The following VWA7 variants were observed in gnomAD, a reference collection of about 807,000 sequenced individuals.
VWA7 encodes the protein von Willebrand factor A domain containing 7, also known as von Willebrand factor A domain-containing protein 7.
VWA7 carries 66 observed loss-of-function variants against 83.1 expected under a neutral mutation model. That is an observed-to-expected ratio of 0.79 (90% CI 0.65 to 0.98). The LOEUF (loss-of-function observed/expected upper bound fraction) is 0.98. VWA7 is among the 50% of genes least tolerant of loss of function. The pLI is 0.00. For missense variants in VWA7, 1,080 were observed against 1,160.2 expected (o/e 0.93, Z 1.00); for synonymous variants, 424 against 488.5 (o/e 0.87, Z 1.74).
intron 7 of VWA7, among the ~76,000 whole-genome samples, chr6:31,770,724 G>A (rs561085971): frequency 5.0e-5 from 7 of 139,122 alleles, no homozygotes; most frequent in African/African-American, 1.5e-4. Context: ...CTACATGTGC[G>A]TATATAAAAA....
Position 31,773,559 on chromosome 6 carries a change from A to G in VWA7, c.722-122T>C. ...CTCAGCAAGGGTTCAGCAAGAAATG[A>G]TGACGGGGTTGGCGCGGTGGCTCAC... On this transcript the variant is annotated intron_variant, in intron 5 of 16. Coordinates refer to ENST00000375688, the MANE Select transcript of VWA7 (RefSeq NM_025258.3). This position sits in a 1 kb window ranked among gnomAD's most constrained non-coding sequence, Gnocchi z 5.3. 3 of 1,061,714 alleles carry G rather than the reference A, an allele frequency of 2.8e-6. No homozygotes were observed. Among genetic ancestry groups the G allele is most frequent in the Non-Finnish European group, 3.9e-6 (3 of 760,250 alleles). 65.8% of individuals were successfully genotyped at this position (1,061,714 alleles called of 1,614,324 possible).
intron 10 of VWA7, among the ~76,000 whole-genome samples, chr6:31,768,565 G>A (rs1039264671): frequency 6.6e-6 from 1 of 152,208 alleles, no homozygotes. Flanking sequence ...CAGGCCAGGC[G>A]TGGTGGCTCG....
Position 31,773,142 on chromosome 6 carries a change from A to G in VWA7, c.918-19T>C, listed in dbSNP as rs113698227. ...CAGCAGCCTGGGGAGCAAGCCAGAG[A>G]CACAGTGAAGGGCCTGCACGTTTGT... On this transcript the variant is annotated intron_variant, in intron 6 of 16. Transcript: ENST00000375688. This position sits in a 1 kb window ranked among gnomAD's most constrained non-coding sequence, Gnocchi z 5.3. The G allele has an allele frequency of 6.2e-7, 1 of 1,607,920 alleles. No individual in the cohort carries two copies. Among genetic ancestry groups the G allele is most frequent in the Non-Finnish European group, 8.5e-7 (1 of 1,177,712 alleles).
rs1401120997 is a variant in VWA7 at position 31,765,647 on chromosome 6, A to C, written c.2623T>G (p.Trp875Gly). Reference sequence around the variant, plus strand: ...AGCACCCCTCCAACTGTGCCCCACCAGGGGCTGCCCGCAGCCAGCCCTGCC... The same window carrying C: ...AGCACCCCTCCAACTGTGCCCCACCCGGGGCTGCCCGCAGCCAGCCCTGCC... ...AGAGLAAGSP[W>G]WGTVGGVLLL... Residue 875 changes from tryptophan to glycine, a missense_variant, in exon 17 of 17, where the codon TGG becomes GGG. By Grantham distance (184) the Trp-to-Gly change is radical (BLOSUM62 -2). Coordinates refer to ENST00000375688, the MANE Select transcript of VWA7 (RefSeq NM_025258.3). 1 of 1,609,462 alleles carries C rather than the reference A, an allele frequency of 6.2e-7. No homozygotes were observed. Among genetic ancestry groups the C allele is most frequent in the African/African-American group, 1.3e-5 (1 of 74,826 alleles).
Position 31,773,448 on chromosome 6 carries a change from G to A in VWA7, c.722-11C>T. 2.5e-6 allele frequency: 4 copies of A among 1,573,054 alleles called. No individual in the cohort carries two copies. Among genetic ancestry groups the A allele is most frequent in the Non-Finnish European group, 2.6e-6 (3 of 1,159,992 alleles). ...CGTGGCTACATTTCCCTGGGTTGGG[G>A]AAAGGGATCTGGAGAGTGGAGGTCA... On this transcript the variant is annotated splice_polypyrimidine_tract_variant and intron_variant, in intron 5 of 16. Coordinates refer to ENST00000375688, the MANE Select transcript of VWA7 (RefSeq NM_025258.3). This position sits in a 1 kb window ranked among gnomAD's most constrained non-coding sequence, Gnocchi z 5.3.
rs978083143 is a variant in VWA7 at position 31,775,931 on chromosome 6, C to T, written c.513+33G>A. On this transcript the variant is annotated intron_variant, in intron 3 of 16. Coordinates refer to ENST00000375688, the MANE Select transcript of VWA7 (RefSeq NM_025258.3). This position sits in a 1 kb window ranked among gnomAD's most constrained non-coding sequence, Gnocchi z 5.9. ...TCCCGGACAGGCACGGAAGTGAAGACCCCTCTGACCATCAACCCAACCCTG... is the reference window on the plus strand; with the variant it reads ...TCCCGGACAGGCACGGAAGTGAAGATCCCTCTGACCATCAACCCAACCCTG... 1.3e-6 allele frequency: 2 copies of T among 1,579,040 alleles called. No homozygotes were observed. The highest frequency in any genetic ancestry group is 2.3e-5 in the South Asian group (2 of 86,864).
Position 31,769,286 on chromosome 6 carries a change from C to T in VWA7, c.1318-83G>A. On this transcript the variant is annotated intron_variant, in intron 9 of 16. Coordinates refer to ENST00000375688, the MANE Select transcript of VWA7 (RefSeq NM_025258.3). This position sits in a 1 kb window ranked among gnomAD's most constrained non-coding sequence, Gnocchi z 4.5. ...ATGAGAATCCCTGTGCTCAAGCTTT[C>T]TCCAGAGCTGATGGTTTGTGATAAG... 2 of 1,491,302 alleles carry T rather than the reference C, an allele frequency of 1.3e-6. No individual in the cohort carries two copies. Among genetic ancestry groups the T allele is most frequent in the Non-Finnish European group, 1.8e-6 (2 of 1,105,180 alleles). The allele number at this position is 1,491,302 out of a possible 1,614,324, so 92.4% of individuals were successfully genotyped here.
rs746801491 is a variant in VWA7 at position 31,776,274 on chromosome 6, G to A, written c.235-32C>T. The A allele has an allele frequency of 6.3e-7, 1 of 1,597,062 alleles. No homozygotes were observed. The highest frequency in any genetic ancestry group is 8.5e-7 in the Non-Finnish European group (1 of 1,170,554). On this transcript the variant is annotated intron_variant, in intron 2 of 16. Coordinates refer to ENST00000375688, the MANE Select transcript of VWA7 (RefSeq NM_025258.3). The surrounding 1 kb of genome is among the most constrained non-coding windows in gnomAD (Gnocchi z 6.2). ...AGAATAGCGGGCGACGGGGCTCCAGGGAGGCCCTTTGGATTGACTGTTGCC... is the reference window on the plus strand; with the variant it reads ...AGAATAGCGGGCGACGGGGCTCCAGAGAGGCCCTTTGGATTGACTGTTGCC...
Position 31,769,866 on chromosome 6 carries a change from A to T in VWA7, c.1201-75T>A, listed in dbSNP as rs1430741282. On this transcript the variant is annotated intron_variant, in intron 8 of 16. Transcript: ENST00000375688. The surrounding 1 kb of genome is among the most constrained non-coding windows in gnomAD (Gnocchi z 4.5). ...TGGGTAGAGCCACGGAGGATGAAGC[A>T]GAAGGGAATATGGCCCGGGAACCCT... 1 of 1,513,388 alleles carries T rather than the reference A, an allele frequency of 6.6e-7. No homozygotes were observed. The highest frequency in any genetic ancestry group is 9.2e-7 in the Non-Finnish European group (1 of 1,090,894). The allele number at this position is 1,513,388 out of a possible 1,614,324, so 93.7% of individuals were successfully genotyped here. A position where few individuals can be genotyped will look rare whatever the true frequency, so the allele number is the denominator to read the frequency against.
rs550210414 is a variant in VWA7, at chr6:31,776,579, T to C, written c.201A>G (p.Pro67=). 27 of 1,547,428 alleles carry C rather than the reference T, an allele frequency of 1.7e-5. No homozygotes were observed. The highest frequency in any genetic ancestry group is 2.3e-5 in the Non-Finnish European group (26 of 1,145,674). Residue 67 remains proline (P), a synonymous_variant, in exon 2 of 17, where the codon CCA becomes CCG. Transcript: ENST00000375688. The surrounding 1 kb of genome is among the most constrained non-coding windows in gnomAD (Gnocchi z 6.2). ...TLQLFLEQPP[P]GRPPLRLEDF... ...CCTCAAGACGAAGAGGGGGGCGGCCTGGGGGTGGCTGCTCCAGGAAGAGCT... is the reference window on the plus strand; with the variant it reads ...CCTCAAGACGAAGAGGGGGGCGGCCCGGGGGTGGCTGCTCCAGGAAGAGCT...
rs1812655466 is a variant in VWA7, at chr6:31,776,059, GGC to G, written c.416_417del (p.Arg139ProfsTer16). 3 of 1,613,796 alleles carry G rather than the reference GGC, an allele frequency of 1.9e-6. No homozygotes were observed. The highest frequency in any genetic ancestry group is 1.7e-5 in the Admixed American group (1 of 60,028). On this transcript the variant is annotated frameshift_variant, in exon 3 of 17. Coordinates refer to ENST00000375688, the MANE Select transcript of VWA7 (RefSeq NM_025258.3). LOFTEE classifies it high-confidence loss of function. The surrounding 1 kb of genome is among the most constrained non-coding windows in gnomAD (Gnocchi z 6.2). ...ACGGTCTCCCGCAGAGCCCCTACCA[GGC>G]GCGCGCGTCCCTGACCCAGTCGCTC... ...DAERLGQGRA[R>X]LVGALRETVV... is the part of the protein sequence containing the mutation.
chr6:31,775,984 C>T lies in VWA7; in HGVS notation c.493G>A (p.Ala165Thr). The T allele has an allele frequency of 6.2e-7, 1 of 1,611,352 alleles. No homozygotes were observed. The highest frequency in any genetic ancestry group is 8.5e-7 in the Non-Finnish European group (1 of 1,179,288). The part of the protein sequence containing the change: ...DHTLARQRLG[A>T]ALHALQDFYS... The stretch of plus-strand genomic sequence containing the variant: ...CTCACCTGCAGGGCATGAAGTGCAG[C>T]CCCGAGGCGCTGGCGAGCCAGGGTG... Residue 165 changes from alanine to threonine, a missense_variant, in exon 3 of 17, where the codon GCT (alanine) becomes ACT (threonine). Physicochemically the swap from Ala to Thr is moderately conservative, Grantham distance 58. Coordinates refer to ENST00000375688, the MANE Select transcript of VWA7 (RefSeq NM_025258.3). The surrounding 1 kb of genome is among the most constrained non-coding windows in gnomAD (Gnocchi z 5.9).
At chr6:31,772,154 T>A (rs1448145457) in intron 7 of VWA7, among the ~76,000 whole-genome samples, 1 of 151,704 alleles carries the variant, frequency 6.6e-6, no homozygotes, top group Non-Finnish European at 1.5e-5. Flanking sequence ...TTTTTTTTTT[T>A]TTTAGAGACA....
intron 10 of VWA7, 131 bp downstream of exon 10, chr6:31,768,886 GA>G (rs1387853145): frequency 1.9e-6 from 2 of 1,028,574 alleles, no homozygotes; most frequent in African/African-American, 3.3e-5. Context: ...AAGAGGAAGA[GA>G]AACTTCCTTT....
rs752013807 is a variant in VWA7, at chr6:31,765,951, G to A, written c.2431C>T (p.Arg811Ter). Reference protein sequence around the residue: ...VVMVTVTAGGREANPVPPTHA... With the variant: ...VVMVTVTAGG ...GTCGGGGGTACTGGGTTGGCTTCTC[G>A]TCCCCCTGCAGTCACAGTCACCATC... The change falls in exon 16 of 17, where the codon CGA (arginine) becomes TGA (stop). Residue 811 changes from arginine (R) to a stop codon, truncating the protein, a stop_gained. Coordinates refer to ENST00000375688, the MANE Select transcript of VWA7 (RefSeq NM_025258.3). LOFTEE classifies it high-confidence loss of function. The A allele has an allele frequency of 1.2e-5, 20 of 1,612,934 alleles. No individual in the cohort carries two copies. Among genetic ancestry groups the A allele is most frequent in the African/African-American group, 5.3e-5 (4 of 74,932 alleles).
Position 31,766,719 on chromosome 6 carries a change from C to T in VWA7, c.1928G>A (p.Arg643Lys). 6.2e-7 allele frequency: 1 copy of T among 1,611,682 alleles called. No individual in the cohort carries two copies. The highest frequency in any genetic ancestry group is 1.1e-5 in the South Asian group (1 of 90,986). The change falls in exon 14 of 17, where the codon AGA becomes AAA. Residue 643 changes from arginine to lysine, a missense_variant. Coordinates refer to ENST00000375688, the MANE Select transcript of VWA7 (RefSeq NM_025258.3). The surrounding 1 kb of genome is among the most constrained non-coding windows in gnomAD (Gnocchi z 4.9). ...LLVEVTGLGS[R>K]ANPGDPQPHF... Reference sequence around the variant, plus strand: ...CGGCTGAGGATCCCCAGGATTGGCTCTGGAACCCAACCCTGTCACTTCTAC... The same window carrying T: ...CGGCTGAGGATCCCCAGGATTGGCTTTGGAACCCAACCCTGTCACTTCTAC...
chr6:31,775,184 A>G lies in VWA7; in HGVS notation c.610+149T>C. On this transcript the variant is annotated intron_variant, in intron 4 of 16. Coordinates refer to ENST00000375688, the MANE Select transcript of VWA7 (RefSeq NM_025258.3). The surrounding 1 kb of genome is among the most constrained non-coding windows in gnomAD (Gnocchi z 5.9). ...TGACCTTGGGGAAGCTGCTTAACTGAGCCAGGCGTTGCTTGGACTGGGGGA... is the reference window on the plus strand; with the variant it reads ...TGACCTTGGGGAAGCTGCTTAACTGGGCCAGGCGTTGCTTGGACTGGGGGA... 1.6e-6 allele frequency: 1 copy of G among 635,452 alleles called. No individual in the cohort carries two copies. 39.4% of individuals were successfully genotyped at this position (635,452 alleles called of 1,614,324 possible).
intron 16 of VWA7, 30 bp from the exon 17 acceptor site, chr6:31,765,800 T>C (rs765410781): frequency 1.3e-6 from 2 of 1,586,116 alleles, no homozygotes; most frequent in African/African-American, 2.7e-5. Flanking sequence ...AATGACAGGG[T>C]GTGCTAGAGC....
At position 31,766,462 on chromosome 6, in the gene VWA7, C is replaced by T; in HGVS notation, c.2184+1G>A. Reference sequence around the variant, plus strand: ...AGCCGCACTTTCCCCTGGCGTCTCACCTCCAGAAGGACAGGGACTACAGTG... The same window carrying T: ...AGCCGCACTTTCCCCTGGCGTCTCATCTCCAGAAGGACAGGGACTACAGTG... On this transcript the variant is annotated splice_donor_variant, in intron 14 of 16. Transcript: ENST00000375688. LOFTEE classifies it high-confidence loss of function. This position sits in a 1 kb window ranked among gnomAD's most constrained non-coding sequence, Gnocchi z 4.9. The T allele has an allele frequency of 6.3e-7, 1 of 1,590,734 alleles. No individual in the cohort carries two copies. Among genetic ancestry groups the T allele is most frequent in the Non-Finnish European group, 8.6e-7 (1 of 1,167,640 alleles).
Sources: gnomAD v4.1 joint callset for allele counts (sites outside exome capture counted in the v4.1 genomes callset) on GRCh38, gnomAD v4.1.1 for gene constraint, Gnocchi (gnomAD v3.1) non-coding constraint, MANE v1.5 for transcripts, NCBI Gene and HGNC (gene_info 2026-07-23, HGNC 2026-07-21) for gene names.